STK32B: variants seen among roughly 807,000 people sequenced by gnomAD.
The protein encoded by STK32B is serine/threonine-protein kinase 32B.
A neutral mutation model predicts 52.6 loss-of-function variants in STK32B; 43 were observed. That is an observed-to-expected ratio of 0.82 (90% CI 0.64 to 1.05). The LOEUF (loss-of-function observed/expected upper bound fraction) is 1.05, where lower values mean the gene tolerates loss of function less well. STK32B is among the 50% of genes least tolerant of loss of function. The pLI, the probability that STK32B is intolerant of heterozygous loss-of-function variation, is 0.00. For missense variants in STK32B, 621 were observed against 534.6 expected (o/e 1.16, Z -1.59); for synonymous variants, 238 against 204.3 (o/e 1.17, Z -1.41).
At chr4:5,343,204 G>A (rs1209181811) in intron 4 of STK32B, among the ~76,000 whole-genome samples, 1 of 150,712 alleles carries the variant, frequency 6.6e-6, no homozygotes, top group Admixed American at 6.7e-5. Context: ...GTGGTGTTTG[G>A]TTTTTTGTCC....
intron 3 of STK32B, among the ~76,000 whole-genome samples, chr4:5,272,080 G>T (rs1727476452): frequency 6.8e-6 from 1 of 147,490 alleles, no homozygotes; most frequent in Non-Finnish European, 1.5e-5. Context: ...CCTGTCTTGT[G>T]CCAGTTTTCA....
chr4:5,224,978 G>A (rs1723772372), intron 3 of STK32B, among the ~76,000 whole-genome samples: 1 of 151,972 alleles, frequency 6.6e-6, no homozygotes, highest in African/African-American at 2.4e-5. Context: ...AAGTGTTCTC[G>A]GTCATTCATG....
rs1356684455 is a variant in STK32B, at chr4:5,472,858, A to G, written c.1106+4788A>G. ...ATGTTCCTTTAATCTAGGGTTTCTC[A>G]ACCTTGGCACTGACTGTTGACATCA... On this transcript the variant is annotated intron_variant, in intron 11 of 11. Coordinates refer to ENST00000282908, the MANE Select transcript of STK32B (RefSeq NM_018401.3). Among the ~76,000 whole-genome samples the G allele has an allele frequency of 2.0e-5, 3 of 152,138 alleles. No homozygotes were observed. The East Asian group carries it at 5.8e-4, about 29-fold the overall frequency.
chr4:5,034,882 T>G, the STK32B span, among the ~76,000 whole-genome samples: 8 of 152,198 alleles, frequency 5.3e-5, no homozygotes, highest in Non-Finnish European at 1.2e-4. Context: ...TAGCACTTGA[T>G]TTACTGGGCT....
intron 1 of STK32B, among the ~76,000 whole-genome samples, chr4:5,100,512 TCTC>T (rs1435991014): frequency 5.9e-5 from 6 of 102,362 alleles, no homozygotes; most frequent in East Asian, 3.1e-4. Context: ...CTTTTTCTTC[TCTC>T]CTTCTTCTCT....
At chr4:5,188,006 G>T (rs889945744) in intron 3 of STK32B, among the ~76,000 whole-genome samples, 3 of 152,214 alleles carry the variant, frequency 2.0e-5, no homozygotes, top group East Asian at 3.9e-4. Flanking sequence ...CAGTTTCCTC[G>T]TGTAGGGCGC....
intron 1 of STK32B, among the ~76,000 whole-genome samples, chr4:5,110,866 A>G (rs901993575): frequency 5.3e-5 from 8 of 152,082 alleles, no homozygotes; most frequent in Non-Finnish European, 8.8e-5. Flanking sequence ...TTATGCCCTC[A>G]ACAAAGGATT....
intron 4 of STK32B, among the ~76,000 whole-genome samples, chr4:5,348,885 C>T (rs1342359400): frequency 6.6e-6 from 1 of 152,164 alleles, no homozygotes; most frequent in Non-Finnish European, 1.5e-5. Flanking sequence ...CTGATGGCAC[C>T]TTAACACTCC....
chr4:5,168,949 C>T (rs921310813), intron 3 of STK32B, among the ~76,000 whole-genome samples: 1 of 152,210 alleles, frequency 6.6e-6, no homozygotes, highest in Non-Finnish European at 1.5e-5. Flanking sequence ...CCGTCCTTGG[C>T]TATTATCTTC....
intron 2 of STK32B, among the ~76,000 whole-genome samples, chr4:5,160,607 C>T (rs987563850): frequency 6.6e-6 from 1 of 152,204 alleles, no homozygotes. Context: ...GTCCCATGTG[C>T]TCACCTCTCC....
the STK32B span, among the ~76,000 whole-genome samples, chr4:5,038,422 T>C: frequency 1.3e-5 from 2 of 152,206 alleles, no homozygotes; most frequent in Non-Finnish European, 2.9e-5. Flanking sequence ...AATTTCAGCA[T>C]TGTGCAAACA....
Position 5,453,569 on chromosome 4 carries a change from GT to G in STK32B, c.667-3235del. ...GGGTGGGACTGTTTTGGGCAGAACT[GT>G]TTATTGAAAAGCAAAAAAGACAGGA... On this transcript the variant is annotated intron_variant, in intron 7 of 11. Transcript: ENST00000282908. The surrounding 1 kb of genome is among the most constrained non-coding windows in gnomAD (Gnocchi z 4.0). Among the ~76,000 whole-genome samples, 1 of 152,106 alleles carries G rather than the reference GT, an allele frequency of 6.6e-6. No individual in the cohort carries two copies. The highest frequency in any genetic ancestry group is 1.9e-4 in the East Asian group (1 of 5,150).
At chr4:5,451,253 G>A (rs552990393) in intron 7 of STK32B, among the ~76,000 whole-genome samples, 1 of 152,270 alleles carries the variant, frequency 6.6e-6, no homozygotes, top group Non-Finnish European at 1.5e-5. Context: ...AGGGGGAGAA[G>A]ACATTGAAGT....
At chr4:5,451,523 C>G (rs532169500) in intron 7 of STK32B, among the ~76,000 whole-genome samples, 2 of 152,274 alleles carry the variant, frequency 1.3e-5, no homozygotes, top group East Asian at 3.9e-4. Flanking sequence ...GGTTCAAATC[C>G]TGACTTTGCC....
intron 3 of STK32B, among the ~76,000 whole-genome samples, chr4:5,247,594 C>A (rs546975080): frequency 6.6e-6 from 1 of 152,152 alleles, no homozygotes; most frequent in East Asian, 1.9e-4. Flanking sequence ...ACCCACTGTC[C>A]GGCGCTTCCC....
intron 4 of STK32B, among the ~76,000 whole-genome samples, chr4:5,339,006 C>T (rs930280778): frequency 1.3e-5 from 2 of 152,158 alleles, no homozygotes; most frequent in East Asian, 3.9e-4. Flanking sequence ...TGGGCATCAA[C>T]GATTCCTCTG....
At chr4:5,480,878 C>T (rs1718642467) in intron 11 of STK32B, among the ~76,000 whole-genome samples, 1 of 152,096 alleles carries the variant, frequency 6.6e-6, no homozygotes, top group African/African-American at 2.4e-5. Context: ...TGATGGTTTC[C>T]AGCTTCATCC....
intron 9 of STK32B, among the ~76,000 whole-genome samples, chr4:5,465,644 A>T (rs777162315): frequency 1.6e-3 from 249 of 152,320 alleles, no homozygotes; most frequent in Non-Finnish European, 2.7e-3. Flanking sequence ...ATCCCTCAAC[A>T]AACTCTGAGC....
chr4:5,238,377 T>C (rs1724777952), intron 3 of STK32B, among the ~76,000 whole-genome samples: 1 of 152,100 alleles, frequency 6.6e-6, no homozygotes, highest in African/African-American at 2.4e-5. Flanking sequence ...CTTTCTTCTT[T>C]TTTTTTTGGT....
Sources: allele counts gnomAD v4.1 joint callset (sites outside exome capture counted in the v4.1 genomes callset), GRCh38; gene constraint gnomAD v4.1.1; non-coding constraint Gnocchi (gnomAD v3.1); transcripts MANE v1.5; gene names NCBI Gene and HGNC (gene_info 2026-07-23, HGNC 2026-07-21).